Variants in GRID1 observed in about 807,000 individuals in gnomAD.
The protein encoded by GRID1 is glutamate receptor ionotropic, delta-1.
A neutral mutation model predicts 98.0 loss-of-function variants in GRID1; 28 were observed. That is an observed-to-expected ratio of 0.29 (90% CI 0.21 to 0.39). The LOEUF is 0.39. Ranked by LOEUF, GRID1 falls within the 10% of genes least tolerant of loss-of-function variation. The pLI, the probability that GRID1 is intolerant of heterozygous loss-of-function variation, is 1.00. For missense variants in GRID1, 1,111 were observed against 1,340.5 expected (o/e 0.83, Z 2.67); for synonymous variants, 553 against 538.5 (o/e 1.03, Z -0.37).
intron 3 of GRID1, among the ~76,000 whole-genome samples, chr10:86,157,126 A>G (rs1416195245): frequency 1.3e-5 from 2 of 152,094 alleles, no homozygotes; most frequent in Non-Finnish European, 2.9e-5. Flanking sequence ...CGAAACAGAG[A>G]AGGAGGAACA....
At chr10:85,717,625 C>T (rs1230674344) in intron 12 of GRID1, among the ~76,000 whole-genome samples, 1 of 152,184 alleles carries the variant, frequency 6.6e-6, no homozygotes, top group Non-Finnish European at 1.5e-5. Context: ...TTATTCCATT[C>T]CTGGCCCCTC....
intron 8 of GRID1, among the ~76,000 whole-genome samples, chr10:85,776,119 G>A (rs1842328464): frequency 6.6e-6 from 1 of 152,094 alleles, no homozygotes; most frequent in African/African-American, 2.4e-5. Flanking sequence ...TCCCAACCTA[G>A]GCACAACACC....
At chr10:85,640,141 A>C (rs1352483704) in intron 13 of GRID1, among the ~76,000 whole-genome samples, 1 of 152,238 alleles carries the variant, frequency 6.6e-6, no homozygotes, top group African/African-American at 2.4e-5. Context: ...ATGCTACTCA[A>C]ACTACATTTC....
intron 5 of GRID1, among the ~76,000 whole-genome samples, chr10:85,913,120 T>G (rs981384240): frequency 6.6e-6 from 1 of 152,162 alleles, no homozygotes; most frequent in Non-Finnish European, 1.5e-5. Flanking sequence ...CCCTACCTTC[T>G]GATAGAAGAC....
chr10:86,310,030 T>A (rs992088280), intron 2 of GRID1, among the ~76,000 whole-genome samples: 1 of 152,190 alleles, frequency 6.6e-6, no homozygotes, highest in African/African-American at 2.4e-5. Flanking sequence ...GGCCACCTGC[T>A]AGGGTCAGCA....
intron 12 of GRID1, chr10:85,650,070 CA>C (rs2132556159): frequency 6.6e-6 from 1 of 152,344 alleles, no homozygotes; most frequent in East Asian, 1.9e-4. Flanking sequence ...GGGTGTTGAA[CA>C]CAAGGGCCCA....
chr10:85,674,866 G>A (rs1027971364), intron 12 of GRID1, among the ~76,000 whole-genome samples: 1 of 152,164 alleles, frequency 6.6e-6, no homozygotes, highest in Admixed American at 6.5e-5. Flanking sequence ...TATCTCAGGA[G>A]GAGACATATG....
intron 4 of GRID1, among the ~76,000 whole-genome samples, chr10:86,013,354 C>T (rs1340950884): frequency 6.6e-6 from 1 of 152,186 alleles, no homozygotes; most frequent in Middle Eastern, 3.2e-3. Context: ...AGGTACAAAG[C>T]AGAGGATTCC....
chr10:86,151,319 G>A (rs1044864088), intron 3 of GRID1, among the ~76,000 whole-genome samples: 1 of 152,118 alleles, frequency 6.6e-6, no homozygotes, highest in African/African-American at 2.4e-5. Context: ...AATTACCAGA[G>A]TATGCCCATT....
At chr10:86,026,991 T>C (rs1480918187) in intron 4 of GRID1, among the ~76,000 whole-genome samples, 2 of 152,172 alleles carry the variant, frequency 1.3e-5, no homozygotes, top group Non-Finnish European at 2.9e-5. Flanking sequence ...TAAGTCTGGC[T>C]CACAGTGGGG....
intron 6 of GRID1, among the ~76,000 whole-genome samples, chr10:85,867,799 A>C (rs1358197408): frequency 6.6e-6 from 1 of 152,230 alleles, no homozygotes; most frequent in Non-Finnish European, 1.5e-5. Flanking sequence ...ACACTAGTGG[A>C]ATGGGGATTA....
intron 15 of GRID1, among the ~76,000 whole-genome samples, chr10:85,604,237 C>T (rs1039505201): frequency 6.6e-6 from 1 of 152,208 alleles, no homozygotes; most frequent in Admixed American, 6.5e-5. Flanking sequence ...ATGGTTGGCA[C>T]ACATGGTTTG....
intron 2 of GRID1, among the ~76,000 whole-genome samples, chr10:86,287,505 G>A (rs1404570246): frequency 1.3e-5 from 2 of 152,128 alleles, no homozygotes; most frequent in African/African-American, 4.8e-5. Context: ...TGGCACCCTG[G>A]ATCAAATGGG....
intron 4 of GRID1, among the ~76,000 whole-genome samples, chr10:86,055,937 C>T (rs72835203): frequency 0.017 from 2,602 of 152,276 alleles, 28 homozygotes; most frequent in Non-Finnish European, 0.028. Context: ...AACTTCCCAG[C>T]CTCCAGAAAT....
At chr10:86,020,041 A>C (rs1411492290) in intron 4 of GRID1, among the ~76,000 whole-genome samples, 1 of 152,156 alleles carries the variant, frequency 6.6e-6, no homozygotes, top group African/African-American at 2.4e-5. Context: ...GTCATATATC[A>C]CCTAAGCCAA....
At chr10:85,676,727 T>C (rs1278382466) in intron 12 of GRID1, among the ~76,000 whole-genome samples, 1 of 152,144 alleles carries the variant, frequency 6.6e-6, no homozygotes, top group Admixed American at 6.5e-5. Flanking sequence ...ACCCAATAAA[T>C]CCTGGAGGTC....
chr10:86,067,029 G>A (rs190180697), intron 4 of GRID1, among the ~76,000 whole-genome samples: 76 of 152,294 alleles, frequency 5.0e-4, no homozygotes, highest in African/African-American at 1.8e-3. Flanking sequence ...ATAGCGCATA[G>A]AGCTGATGGA....
At chr10:85,872,123 T>C (rs1843284117) in intron 5 of GRID1, among the ~76,000 whole-genome samples, 3 of 152,136 alleles carry the variant, frequency 2.0e-5, no homozygotes, top group Admixed American at 2.0e-4. Flanking sequence ...CTTAGCTGCC[T>C]TGGTGACCAA....
Position 86,206,804 on chromosome 10 carries a change from C to T in GRID1, c.236-156G>A, listed in dbSNP as rs1405638275. On this transcript the variant is annotated intron_variant, in intron 2 of 15. Coordinates refer to ENST00000327946, the MANE Select transcript of GRID1 (RefSeq NM_017551.3). The surrounding 1 kb of genome is among the most constrained non-coding windows in gnomAD (Gnocchi z 4.1). ...AGAACCATCCTGGGCAGGCCAGTGG[C>T]TCTCATAAGCACAGCCTCACTGACA... Among the ~76,000 whole-genome samples, 2 of 152,222 alleles carry T rather than the reference C, an allele frequency of 1.3e-5. No homozygotes were observed. The highest frequency in any genetic ancestry group is 6.5e-5 in the Admixed American group (1 of 15,286).
Sources: allele counts gnomAD v4.1 joint callset (sites outside exome capture counted in the v4.1 genomes callset), GRCh38; gene constraint gnomAD v4.1.1; non-coding constraint Gnocchi (gnomAD v3.1); transcripts MANE v1.5; gene names NCBI Gene and HGNC (gene_info 2026-07-23, HGNC 2026-07-21).